The following GLE1 variants were observed in gnomAD, a reference collection of about 807,000 sequenced individuals.
GLE1 encodes mRNA export factor GLE1.
GLE1 carries 78 observed loss-of-function variants against 97.3 expected under a neutral mutation model. The ratio of observed to expected loss-of-function variants is 0.80; its 90% CI spans 0.67 to 0.97. The LOEUF is 0.97. Ranked by LOEUF, GLE1 falls within the 50% of genes least tolerant of loss-of-function variation. The probability of loss-of-function intolerance (pLI) is 0.00; values close to 1 mark genes in which losing one functional copy is unlikely to be tolerated. For missense variants in GLE1, 753 were observed against 857.5 expected (o/e 0.88, Z 1.52); for synonymous variants, 302 against 313.4 (o/e 0.96, Z 0.39).
chr9:128,514,591 C>T (rs1225934410), intron 2 of GLE1, among the ~76,000 whole-genome samples: 3 of 151,878 alleles, frequency 2.0e-5, no homozygotes, highest in East Asian at 2.0e-4. Flanking sequence ...TACAGGCGCC[C>T]GCCACCATGC....
intron 3 of GLE1, among the ~76,000 whole-genome samples, chr9:128,520,796 C>T (rs561822754): frequency 2.6e-4 from 39 of 151,890 alleles, no homozygotes; most frequent in African/African-American, 9.4e-4. Flanking sequence ...CTCCGTTGCT[C>T]AGGCTGGAAT....
intron 2 of GLE1, among the ~76,000 whole-genome samples, chr9:128,514,358 A>T (rs969952956): frequency 1.1e-4 from 16 of 151,604 alleles, no homozygotes; most frequent in African/African-American, 3.9e-4. Context: ...AAAAAAAAAA[A>T]ACTTAGAAAA....
chr9:128,510,046 A>G (rs1170763909), intron 2 of GLE1, among the ~76,000 whole-genome samples: 1 of 152,058 alleles, frequency 6.6e-6, no homozygotes, highest in Non-Finnish European at 1.5e-5. Flanking sequence ...ATACGTGAAC[A>G]TGTCTTCTTC....
intron 2 of GLE1, among the ~76,000 whole-genome samples, chr9:128,510,416 A>G (rs745495257): frequency 2.0e-5 from 3 of 150,508 alleles, no homozygotes; most frequent in African/African-American, 4.9e-5. Flanking sequence ...TTTAGTGGAG[A>G]TGGTGTTTCA....
intron 11 of GLE1, among the ~76,000 whole-genome samples, chr9:128,535,738 T>G (rs947873807): frequency 6.6e-6 from 1 of 152,044 alleles, no homozygotes; most frequent in African/African-American, 2.4e-5. Flanking sequence ...GAAGAATCGC[T>G]TGAACCCGAG....
In GLE1 at chr9:128,515,678, G is replaced by A. The variant is rs200541310; in HGVS notation, c.432+39G>A. ...TGAAGGAAGGCAGCCTTGATCCTGC[G>A]AGCCACATTTAACTGCAGTTCCCCA... is the stretch of plus-strand genomic sequence containing the variant. On this transcript the variant is annotated intron_variant, in intron 3 of 15. Transcript: ENST00000309971. The A allele has an allele frequency of 2.0e-4, 224 of 1,100,160 alleles. No homozygotes were observed. The African/African-American group carries it at 2.1e-3, about 10-fold the overall frequency. 68.1% of individuals were successfully genotyped at this position (1,100,160 alleles called of 1,614,324 possible). A position where few individuals can be genotyped will look rare whatever the true frequency, so the allele number is the denominator to read the frequency against.
Position 128,523,697 on chromosome 9 carries a change from G to A in GLE1, c.748G>A (p.Ala250Thr), listed in dbSNP as rs1208242045. 1.2e-6 allele frequency: 2 copies of A among 1,614,142 alleles called. No individual in the cohort carries two copies. Among genetic ancestry groups the A allele is most frequent in the Non-Finnish European group, 1.7e-6 (2 of 1,180,006 alleles). The change falls in exon 6 of 16, where the codon GCT becomes ACT. Residue 250 changes from alanine to threonine, a missense_variant. Coordinates refer to ENST00000309971, the MANE Select transcript of GLE1 (RefSeq NM_001003722.2). ...EGQIRLRALY[A>T]LQEEMLQLSQ... ...CCAGATCCGCCTGCGGGCCCTCTATGCTCTGCAGGAGGAGATGCTGCAGCT... is the reference window on the plus strand; with the variant it reads ...CCAGATCCGCCTGCGGGCCCTCTATACTCTGCAGGAGGAGATGCTGCAGCT...
intron 12 of GLE1, chr9:128,536,795 T>C (rs940191554): frequency 5.6e-6 from 2 of 354,974 alleles, no homozygotes; most frequent in Non-Finnish European, 1.1e-5. Context: ...TTAGAACTAG[T>C]TGAGACCTTA....
At chr9:128,528,370 C>T (rs903646849) in intron 9 of GLE1, among the ~76,000 whole-genome samples, 2 of 146,888 alleles carry the variant, frequency 1.4e-5, no homozygotes, top group African/African-American at 5.1e-5. Context: ...GTGGCGCAAT[C>T]TCGGCTCACT....
intron 6 of GLE1, 105 bp downstream of exon 6, chr9:128,523,951 G>T: frequency 9.5e-7 from 1 of 1,051,528 alleles, no homozygotes. Flanking sequence ...CTGCTTATTG[G>T]GGGAAATACC....
chr9:128,536,563 C>T (rs1589075514), intron 12 of GLE1, 79 bp downstream of exon 12: 1 of 1,327,554 alleles, frequency 7.5e-7, no homozygotes. Context: ...GAAATGTTGG[C>T]CTTCTTTCAG....
intron 12 of GLE1, among the ~76,000 whole-genome samples, chr9:128,537,350 G>T (rs971251061): frequency 6.6e-6 from 1 of 151,248 alleles, no homozygotes; most frequent in East Asian, 1.9e-4. Context: ...CTACTTGGGA[G>T]GCTGAGGCAC....
chr9:128,515,667 C>T lies in GLE1; in HGVS notation c.432+28C>T, dbSNP rs772397206. 8 of 1,209,168 alleles carry T rather than the reference C, an allele frequency of 6.6e-6. No homozygotes were observed. The Admixed American group carries it at 7.1e-5, about 11-fold the overall frequency. The allele number at this position is 1,209,168 out of a possible 1,614,324, so 74.9% of individuals were successfully genotyped here. On this transcript the variant is annotated intron_variant, in intron 3 of 15. Transcript: ENST00000309971. ...AAGTGAACCCATGAAGGAAGGCAGC[C>T]TTGATCCTGCGAGCCACATTTAACT...
chr9:128,536,712 G>T, intron 12 of GLE1: 2 of 477,132 alleles, frequency 4.2e-6, no homozygotes, highest in South Asian at 4.1e-5. Flanking sequence ...TCTACCAGAG[G>T]AGAGTCTGTT....
intron 1 of GLE1, among the ~76,000 whole-genome samples, chr9:128,505,939 A>G (rs1378594804): frequency 6.6e-6 from 1 of 152,184 alleles, no homozygotes; most frequent in Non-Finnish European, 1.5e-5. Flanking sequence ...GTTAGTTGGC[A>G]TTCTACTGTA....
chr9:128,528,258 C>T (rs1416996726), intron 9 of GLE1, among the ~76,000 whole-genome samples: 1 of 151,356 alleles, frequency 6.6e-6, no homozygotes, highest in Non-Finnish European at 1.5e-5. Context: ...CCTGCCTCGG[C>T]CTCCCAAAGG....
chr9:128,540,935 G>C (rs550716268), intron 15 of GLE1, 167 bp from the exon 16 acceptor site: 11 of 638,424 alleles, frequency 1.7e-5, no homozygotes, highest in Non-Finnish European at 3.1e-5. Context: ...AGATCATGCA[G>C]AAGTGGACAT....
intron 2 of GLE1, among the ~76,000 whole-genome samples, chr9:128,514,023 A>C (rs1441206859): frequency 6.7e-6 from 1 of 149,356 alleles, no homozygotes; most frequent in African/African-American, 2.4e-5. Flanking sequence ...ATCTCAAAAA[A>C]AAAAAAAAAG....
chr9:128,526,344 GTGT>G (rs1847299728), intron 7 of GLE1, among the ~76,000 whole-genome samples: 1 of 151,148 alleles, frequency 6.6e-6, no homozygotes, highest in Non-Finnish European at 1.5e-5. Context: ...TTCTTTTTTG[GTGT>G]GTTTTGTTTT....
Sources: gnomAD v4.1 joint callset for allele counts (sites outside exome capture counted in the v4.1 genomes callset) on GRCh38, gnomAD v4.1.1 for gene constraint, MANE v1.5 for transcripts, NCBI Gene and HGNC (gene_info 2026-07-23, HGNC 2026-07-21) for gene names.